Variants in FANCM observed in about 807,000 individuals in gnomAD.
FANCM encodes Fanconi anemia group M protein.
Under a neutral mutation model 199.5 loss-of-function variants are expected in FANCM, and 140 were observed. That is an observed-to-expected ratio of 0.70 (90% CI 0.61 to 0.81). The LOEUF is 0.81. Ranked by LOEUF, FANCM falls within the 30% of genes least tolerant of loss-of-function variation. The pLI is 0.00. For missense variants in FANCM, 2,410 were observed against 2,421.4 expected, an observed-to-expected ratio of 1.00 and a Z score of 0.10; for synonymous variants, 840 against 836.8, an observed-to-expected ratio of 1.00 and a Z score of -0.07.
intron 7 of FANCM, 33 bp from the exon 8 acceptor site, chr14:45,155,338 CAG>C (rs781611978): frequency 1.5e-5 from 14 of 950,810 alleles, no homozygotes; most frequent in East Asian, 7.5e-5. Context: ...TGGAAAAAAA[CAG>C]AAAAAAATTT....
intron 20 of FANCM, among the ~76,000 whole-genome samples, chr14:45,194,283 CAA>C (rs1420563925): frequency 7.0e-6 from 1 of 142,702 alleles, no homozygotes. Flanking sequence ...GCCTGGGTGA[CAA>C]GAGTGAAACT....
rs45557033 is a variant in FANCM at position 45,196,458 on chromosome 14, A to C, written c.5627A>C (p.Asn1876Thr). 2.5e-6 allele frequency: 4 copies of C among 1,614,158 alleles called. No individual in the cohort carries two copies. The South Asian group carries it at 4.4e-5, about 18-fold the overall frequency. ...RSQSEMLNSV[N>T]KNKFIEQIQH... Reference sequence around the variant, plus strand: ...CAATCTGAGATGTTAAATAGTGTCAATAAGAACAAGTTCATTGAGCAGATC... The same window carrying C: ...CAATCTGAGATGTTAAATAGTGTCACTAAGAACAAGTTCATTGAGCAGATC... Residue 1876 changes from asparagine (N) to threonine (T), a missense_variant, in exon 21 of 23, where the codon AAT becomes ACT. Physicochemically the swap from Asn to Thr is moderately conservative, Grantham distance 65. Coordinates refer to ENST00000267430, the MANE Select transcript of FANCM (RefSeq NM_020937.4).
At chr14:45,141,287 C>CAAAAA (rs534567010) in intron 3 of FANCM, among the ~76,000 whole-genome samples, 13 of 44,768 alleles carry the variant, frequency 2.9e-4, no homozygotes, top group African/African-American at 5.7e-4. Flanking sequence ...GGCTCCGTCT[C>CAAAAA]AAAAAAAAAA....
intron 9 of FANCM, among the ~76,000 whole-genome samples, chr14:45,161,696 T>C (rs572902158): frequency 1.1e-3 from 162 of 152,024 alleles, no homozygotes; most frequent in African/African-American, 3.8e-3. Context: ...GGAGGATGCT[T>C]GAGCCCAGAG....
chr14:45,181,878 C>A (rs1889096030), intron 16 of FANCM, among the ~76,000 whole-genome samples, 173 bp downstream of exon 16: 1 of 152,132 alleles, frequency 6.6e-6, no homozygotes, highest in South Asian at 2.1e-4. Context: ...GATGTATTCA[C>A]TGTAAACTTT....
intron 21 of FANCM, among the ~76,000 whole-genome samples, chr14:45,196,881 G>A (rs1890089356): frequency 6.6e-6 from 1 of 152,206 alleles, no homozygotes; most frequent in Non-Finnish European, 1.5e-5. Flanking sequence ...ATTAGCAAGA[G>A]TTGGTGGGAG....
At chr14:45,192,247 G>A (rs1384037527) in intron 20 of FANCM, among the ~76,000 whole-genome samples, 2 of 152,210 alleles carry the variant, frequency 1.3e-5, no homozygotes, top group Admixed American at 1.3e-4. Context: ...AGCTAAGGTT[G>A]TAGGGCAAAC....
intron 10 of FANCM, among the ~76,000 whole-genome samples, chr14:45,166,350 G>A (rs150829745): frequency 7.8e-4 from 118 of 152,136 alleles, no homozygotes; most frequent in Non-Finnish European, 1.4e-3. Flanking sequence ...TATTGGCGAG[G>A]CTGATCTTGA....
chr14:45,183,184 G>T (rs1193666562), intron 16 of FANCM, among the ~76,000 whole-genome samples: 1 of 152,150 alleles, frequency 6.6e-6, no homozygotes, highest in Admixed American at 6.5e-5. Flanking sequence ...TGACTTATCA[G>T]AAATGATTTA....
At chr14:45,153,888 C>T (rs1886994631) in intron 5 of FANCM, 32 bp from the exon 6 acceptor site, 2 of 1,589,264 alleles carry the variant, frequency 1.3e-6, no homozygotes, top group South Asian at 2.2e-5. Context: ...ATTTATTTCT[C>T]TGGTTAAATT....
chr14:45,136,297 G>A lies in FANCM; in HGVS notation c.266G>A (p.Cys89Tyr), dbSNP rs1566716441. The change falls in exon 1 of 23, where the codon TGC (cysteine) becomes TAC (tyrosine). Residue 89 changes from cysteine (C) to tyrosine (Y), a missense_variant. Transcript: ENST00000267430. ...GCCCTGTGGATTTACCCTACCAATT[G>A]CCCAGTGCGGGACTACCAGCTGCAC... The part of the protein sequence containing the change: ...AGALWIYPTN[C>Y]PVRDYQLHIS... The A allele has an allele frequency of 6.2e-7, 1 of 1,614,130 alleles. No individual in the cohort carries two copies. The highest frequency in any genetic ancestry group is 1.1e-5 in the South Asian group (1 of 91,082).
chr14:45,175,497 A>G lies in FANCM; in HGVS notation c.2743A>G (p.Asn915Asp). The G allele has an allele frequency of 6.2e-7, 1 of 1,612,954 alleles. No individual in the cohort carries two copies. The highest frequency in any genetic ancestry group is 1.1e-5 in the South Asian group (1 of 90,846). Residue 915 changes from asparagine to aspartate, a missense_variant, in exon 14 of 23, where the codon AAT (asparagine) becomes GAT (aspartate). Physicochemically the swap from Asn to Asp is conservative, Grantham distance 23. Coordinates refer to ENST00000267430, the MANE Select transcript of FANCM (RefSeq NM_020937.4). ...TGCTGCCACATGTACTATTAATGAA[A>G]ATGTTATTAAAGAACCGTGTGTGTT... ...EIAATCTINE[N>D]VIKEPCVLLT...
intron 20 of FANCM, among the ~76,000 whole-genome samples, chr14:45,192,732 G>A (rs1362950637): frequency 6.6e-6 from 1 of 152,114 alleles, no homozygotes; most frequent in African/African-American, 2.4e-5. Flanking sequence ...AGCATGCTAA[G>A]GTGGAAGGAT....
intron 11 of FANCM, among the ~76,000 whole-genome samples, chr14:45,169,272 T>TA (rs1491430664): frequency 2.6e-5 from 4 of 152,040 alleles, no homozygotes; most frequent in Non-Finnish European, 5.9e-5. Context: ...TTCGAAATCT[T>TA]AGAGTCTCTG....
intron 13 of FANCM, among the ~76,000 whole-genome samples, chr14:45,173,808 A>G (rs1405008074): frequency 6.6e-6 from 1 of 152,214 alleles, no homozygotes; most frequent in East Asian, 1.9e-4. Flanking sequence ...TAAAGCACGT[A>G]GTAGCTGGCA....
intron 20 of FANCM, among the ~76,000 whole-genome samples, chr14:45,193,529 G>A (rs1219802363): frequency 6.6e-6 from 1 of 152,158 alleles, no homozygotes; most frequent in Non-Finnish European, 1.5e-5. Flanking sequence ...ATTCTTCAGG[G>A]TATACCTTTG....
intron 3 of FANCM, among the ~76,000 whole-genome samples, chr14:45,143,025 T>C (rs10130368): frequency 0.16 from 24,372 of 152,014 alleles, 3,717 homozygotes; most frequent in African/African-American, 0.39. Flanking sequence ...CTCTCTTTTA[T>C]ATGCATTAAT....
At position 45,161,694 on chromosome 14, in the gene FANCM, C is replaced by T. The variant is rs554637802; in HGVS notation, c.1581+2414C>T. On this transcript the variant is annotated intron_variant, in intron 9 of 22. Transcript: ENST00000267430. ...CCTGGGAGGCTGAGGAGGGAGGATG[C>T]TTGAGCCCAGAGGTCGAAGCTCCAG... is the stretch of plus-strand genomic sequence containing the variant. 4.5e-4 allele frequency among the ~76,000 whole-genome samples: 68 copies of T among 151,964 alleles called. 1 individual carries two copies. Among genetic ancestry groups the T allele is most frequent in the African/African-American group, 1.4e-3 (56 of 41,478 alleles).
chr14:45,158,676 C>T (rs1053362775), intron 8 of FANCM, among the ~76,000 whole-genome samples: 3 of 152,178 alleles, frequency 2.0e-5, no homozygotes, highest in Admixed American at 6.5e-5. Context: ...GCCATTATGC[C>T]TGAGTTGAAG....
Sources: allele counts gnomAD v4.1 joint callset (sites outside exome capture counted in the v4.1 genomes callset), GRCh38; gene constraint gnomAD v4.1.1; transcripts MANE v1.5; gene names NCBI Gene and HGNC (gene_info 2026-07-23, HGNC 2026-07-21).